Variants in ADAMTS12 observed in about 807,000 individuals in gnomAD.
ADAMTS12 encodes ADAM metallopeptidase with thrombospondin type 1 motif 12, also known as A disintegrin and metalloproteinase with thrombospondin motifs 12.
Under a neutral mutation model 167.8 loss-of-function variants are expected in ADAMTS12, and 118 were observed. The ratio of observed to expected loss-of-function variants is 0.70; its 90% CI spans 0.61 to 0.82. ADAMTS12 has a LOEUF of 0.82. Ranked by LOEUF, ADAMTS12 falls within the 40% of genes least tolerant of loss-of-function variation. ADAMTS12 has a pLI of 0.00. For synonymous variants in ADAMTS12, 704 were observed against 716.9 expected, an observed-to-expected ratio of 0.98 and a Z score of 0.29; for missense variants, 1,916 against 1,998.8, an observed-to-expected ratio of 0.96 and a Z score of 0.79.
chr5:33,849,980 ATAGTG>A (rs1328764259), intron 2 of ADAMTS12, among the ~76,000 whole-genome samples: 1 of 152,134 alleles, frequency 6.6e-6, no homozygotes, highest in African/African-American at 2.4e-5. Context: ...GATGTATTTT[ATAGTG>A]TAAATCCTTT....
At chr5:33,849,612 T>TGTGTATTGCACAGCAATACAC (rs1749133370) in intron 2 of ADAMTS12, among the ~76,000 whole-genome samples, 1 of 58,782 alleles carries the variant, frequency 1.7e-5, no homozygotes, top group African/African-American at 9.2e-5. Context: ...CATAGCAATA[T>TGTGTATTGCACAGCAATACAC]ATATGTATTG....
intron 23 of ADAMTS12, among the ~76,000 whole-genome samples, chr5:33,531,473 T>A (rs987464632): frequency 1.3e-5 from 2 of 152,226 alleles, no homozygotes; most frequent in Admixed American, 1.3e-4. Flanking sequence ...TGTGGGTGCA[T>A]GTATTCTTTT....
intron 13 of ADAMTS12, among the ~76,000 whole-genome samples, chr5:33,624,953 T>C (rs1227046511): frequency 1.3e-5 from 2 of 152,214 alleles, no homozygotes; most frequent in African/African-American, 4.8e-5. Flanking sequence ...ATTTTCTTTC[T>C]AACTTGAAAG....
intron 21 of ADAMTS12, among the ~76,000 whole-genome samples, chr5:33,548,607 C>A (rs1341506832): frequency 6.6e-6 from 1 of 151,930 alleles, no homozygotes; most frequent in East Asian, 1.9e-4. Context: ...AAAATGAGAT[C>A]ATCACACTTC....
In ADAMTS12 at chr5:33,575,870, AT is replaced by A. The variant is rs923922030; in HGVS notation, c.3972+183del. Among the ~76,000 whole-genome samples, 7 of 151,976 alleles carry A rather than the reference AT, an allele frequency of 4.6e-5. No homozygotes were observed. The East Asian group carries it at 9.6e-4, about 21-fold the overall frequency. On this transcript the variant is annotated intron_variant, in intron 19 of 23. Transcript: ENST00000504830. The stretch of plus-strand genomic sequence containing the variant: ...TTTCACAAGTTATATAATTTACATA[AT>A]TTTTTTTCCATTTAAAGAGTTATGG...
intron 5 of ADAMTS12, among the ~76,000 whole-genome samples, chr5:33,663,389 T>C (rs1204398227): frequency 6.6e-6 from 1 of 150,546 alleles, no homozygotes; most frequent in Non-Finnish European, 1.5e-5. Context: ...ACTGGTCAGG[T>C]GGCATGAATC....
At chr5:33,601,106 A>AGTGTGTGTGT (rs55841502) in intron 16 of ADAMTS12, among the ~76,000 whole-genome samples, 2,581 of 145,870 alleles carry the variant, frequency 0.018, 38 homozygotes, top group African/African-American at 0.045. Flanking sequence ...CACATTTAAG[A>AGTGTGTGTGT]GTGTGTGTGT....
chr5:33,793,236 C>CT (rs1271239060), intron 2 of ADAMTS12, among the ~76,000 whole-genome samples: 1 of 152,174 alleles, frequency 6.6e-6, no homozygotes, highest in Non-Finnish European at 1.5e-5. Flanking sequence ...AACATGAGCT[C>CT]TAACTATTTG....
chr5:33,560,482 T>G (rs1410220295), intron 20 of ADAMTS12, among the ~76,000 whole-genome samples: 2 of 152,178 alleles, frequency 1.3e-5, no homozygotes, highest in African/African-American at 4.8e-5. Flanking sequence ...CGTATGTTTA[T>G]TGCGGCACTA....
rs1243120683 is a variant in ADAMTS12, at chr5:33,588,581, G to A, written c.2865+18C>T. 5.0e-6 allele frequency: 8 copies of A among 1,612,018 alleles called. No individual in the cohort carries two copies. Among genetic ancestry groups the A allele is most frequent in the Non-Finnish European group, 6.8e-6 (8 of 1,178,140 alleles). On this transcript the variant is annotated intron_variant, in intron 18 of 23. Coordinates refer to ENST00000504830, the MANE Select transcript of ADAMTS12 (RefSeq NM_030955.4). ...AAGCTTGAATAATGCCAGTTTCCCC[G>A]CCGAGCCCTGAGCTCACCTCACTCC...
At chr5:33,860,102 TCTC>T (rs201493468) in intron 2 of ADAMTS12, among the ~76,000 whole-genome samples, 4,524 of 152,142 alleles carry the variant, frequency 0.03, 188 homozygotes, top group East Asian at 0.2. Flanking sequence ...GAATGCCTCT[TCTC>T]CTCCAAAGGA....
At chr5:33,692,592 A>G (rs529532365) in intron 3 of ADAMTS12, among the ~76,000 whole-genome samples, 84 of 152,186 alleles carry the variant, frequency 5.5e-4, no homozygotes, top group Non-Finnish European at 8.5e-4. Flanking sequence ...AAGCCTTATT[A>G]TCCTAAGCAA....
chr5:33,649,156 T>G (rs189759080), intron 8 of ADAMTS12, among the ~76,000 whole-genome samples, 190 bp from the exon 9 acceptor site: 7 of 152,306 alleles, frequency 4.6e-5, no homozygotes, highest in Non-Finnish European at 1.5e-5. Flanking sequence ...TCCCACAACA[T>G]AAGCTTAGTT....
rs1263030354 is a variant in ADAMTS12 at position 33,614,465 on chromosome 5, T to A, written c.2389-89A>T. ...AAAACACCACAAAATGTCAGTCATC[T>A]AAAATTAGTAATGGGAGCATGCATT... is the stretch of plus-strand genomic sequence containing the variant. On this transcript the variant is annotated intron_variant, in intron 15 of 23. Transcript: ENST00000504830. 7 of 1,486,392 alleles carry A rather than the reference T, an allele frequency of 4.7e-6. No individual in the cohort carries two copies. In the East Asian group the frequency reaches 1.6e-4, roughly 34 times the overall value. 92.1% of individuals were successfully genotyped at this position (1,486,392 alleles called of 1,614,324 possible).
intron 3 of ADAMTS12, among the ~76,000 whole-genome samples, chr5:33,700,401 A>C (rs888326449): frequency 6.6e-6 from 1 of 152,222 alleles, no homozygotes; most frequent in Non-Finnish European, 1.5e-5. Flanking sequence ...CCAGGAAATA[A>C]TTATGAGTGA....
At chr5:33,633,519 T>C (rs1322903698) in intron 12 of ADAMTS12, among the ~76,000 whole-genome samples, 1 of 151,974 alleles carries the variant, frequency 6.6e-6, no homozygotes, top group Non-Finnish European at 1.5e-5. Context: ...CACCATGACC[T>C]ATAGGTGTGC....
chr5:33,783,254 A>C (rs893609314), intron 2 of ADAMTS12, among the ~76,000 whole-genome samples: 1 of 151,982 alleles, frequency 6.6e-6, no homozygotes, highest in Non-Finnish European at 1.5e-5. Context: ...CAATGAAAAT[A>C]GTATTTAGAG....
chr5:33,744,148 T>C (rs1173183117), intron 3 of ADAMTS12, among the ~76,000 whole-genome samples: 1 of 152,240 alleles, frequency 6.6e-6, no homozygotes, highest in East Asian at 1.9e-4. Flanking sequence ...ACATGATTCC[T>C]GTCCCAACTG....
intron 3 of ADAMTS12, among the ~76,000 whole-genome samples, chr5:33,701,358 C>T (rs568756510): frequency 3.9e-4 from 59 of 152,250 alleles, no homozygotes; most frequent in African/African-American, 1.4e-3. Context: ...ACTAGCTGGG[C>T]TCTGACTGCC....
Sources: gnomAD v4.1 joint callset for allele counts (sites outside exome capture counted in the v4.1 genomes callset) on GRCh38, gnomAD v4.1.1 for gene constraint, MANE v1.5 for transcripts, NCBI Gene and HGNC (gene_info 2026-07-23, HGNC 2026-07-21) for gene names.